ERC2: variants seen among roughly 807,000 people sequenced by gnomAD.
ERC2 encodes ERC protein 2.
A neutral mutation model predicts 114.8 loss-of-function variants in ERC2; 42 were observed. The observed-to-expected ratio is 0.37, with a 90% confidence interval of 0.29 to 0.47. The LOEUF (loss-of-function observed/expected upper bound fraction) is 0.47, where lower values mean the gene tolerates loss of function less well. Among genes scored for constraint, ERC2 ranks in the 20% least tolerant of loss-of-function variants. The pLI, the probability that ERC2 is intolerant of heterozygous loss-of-function variation, is 0.99. For synonymous variants in ERC2, 454 were observed against 425.5 expected, an observed-to-expected ratio of 1.07 and a Z score of -0.82; for missense variants, 939 against 1,150.7, an observed-to-expected ratio of 0.82 and a Z score of 2.66.
intron 2 of ERC2, among the ~76,000 whole-genome samples, chr3:56,371,812 A>G (rs2059373069): frequency 6.6e-6 from 1 of 152,252 alleles, no homozygotes; most frequent in Non-Finnish European, 1.5e-5. Flanking sequence ...GGTTACCAGT[A>G]TGACTCCCAT....
intron 17 of ERC2, among the ~76,000 whole-genome samples, chr3:55,613,670 G>A (rs1346529963): frequency 1.3e-5 from 2 of 152,018 alleles, no homozygotes; most frequent in African/African-American, 4.8e-5. Flanking sequence ...AATGGCAAGG[G>A]AACTGACTAA....
chr3:55,749,320 A>T (rs983476948), intron 14 of ERC2, among the ~76,000 whole-genome samples: 5 of 152,182 alleles, frequency 3.3e-5, no homozygotes, highest in Non-Finnish European at 5.9e-5. Context: ...GAGGCTTCCC[A>T]GCTCCACTGA....
chr3:55,839,717 T>A (rs921813165), intron 14 of ERC2, among the ~76,000 whole-genome samples: 1 of 151,642 alleles, frequency 6.6e-6, no homozygotes, highest in East Asian at 1.9e-4. Context: ...ATTGCCAAGA[T>A]AAAGGTGAAT....
At chr3:55,707,812 C>A (rs1010864797) in intron 15 of ERC2, among the ~76,000 whole-genome samples, 3 of 152,012 alleles carry the variant, frequency 2.0e-5, no homozygotes, top group Non-Finnish European at 4.4e-5. Flanking sequence ...GATGCAGAAA[C>A]CCATGAGAAC....
At chr3:56,379,524 G>A (rs1174584466) in intron 2 of ERC2, among the ~76,000 whole-genome samples, 1 of 152,102 alleles carries the variant, frequency 6.6e-6, no homozygotes, top group Non-Finnish European at 1.5e-5. Context: ...TGATGAAACT[G>A]AGGCATAGAA....
At chr3:55,939,249 C>A (rs1018691612) in intron 13 of ERC2, among the ~76,000 whole-genome samples, 1 of 152,172 alleles carries the variant, frequency 6.6e-6, no homozygotes, top group South Asian at 2.1e-4. Context: ...AAAGTATCAC[C>A]GCAGAATTTG....
rs2061946828 is a variant in ERC2, at chr3:56,434,814, C to T, written c.194G>A (p.Ser65Asn). The change falls in exon 2 of 18, where the codon AGT becomes AAT. Residue 65 changes from serine (S) to asparagine (N), a missense_variant. Coordinates refer to ENST00000288221, the MANE Select transcript of ERC2 (RefSeq NM_015576.3). ...AYATSGPMYL[S>N]DHEGVASTTY... ...TGTTGAAGCCACCCCTTCATGATCA[C>T]TCAGATACATGGGTCCAGACGTAGC... 1 of 1,613,952 alleles carries T rather than the reference C, an allele frequency of 6.2e-7. No homozygotes were observed. Among genetic ancestry groups the T allele is most frequent in the Non-Finnish European group, 8.5e-7 (1 of 1,179,894 alleles).
At chr3:55,714,667 G>GTATATATA (rs59969304) in intron 15 of ERC2, among the ~76,000 whole-genome samples, 2 of 88,596 alleles carry the variant, frequency 2.3e-5, no homozygotes, top group East Asian at 3.1e-4. Flanking sequence ...GTGTGTGTGT[G>GTATATATA]TATATATATA....
At chr3:55,523,256 C>T (rs1024905007) in intron 17 of ERC2, among the ~76,000 whole-genome samples, 3 of 152,218 alleles carry the variant, frequency 2.0e-5, no homozygotes, top group African/African-American at 7.2e-5. Flanking sequence ...AGCTTTGCTA[C>T]GGAGAACTTG....
At chr3:55,899,247 G>T (rs559050794) in intron 13 of ERC2, among the ~76,000 whole-genome samples, 24 of 152,056 alleles carry the variant, frequency 1.6e-4, no homozygotes, top group Non-Finnish European at 3.2e-4. Context: ...TATAACTAAT[G>T]AATTACTATT....
intron 17 of ERC2, among the ~76,000 whole-genome samples, chr3:55,675,894 CTTTT>C (rs2061766691): frequency 1.4e-5 from 1 of 70,474 alleles, no homozygotes; most frequent in Non-Finnish European, 2.8e-5. Context: ...CTTTCTTTCT[CTTTT>C]CTTTCTTTTT....
In ERC2 at chr3:55,737,864, A is replaced by G. The variant is rs1010105237; in HGVS notation, c.2565-2946T>C. ...CAGAGGTGGTATTTCTTTTTGGATC[A>G]AAGGGAAGACACGCTTACTGCCCCA... is the stretch of plus-strand genomic sequence containing the variant. On this transcript the variant is annotated intron_variant, in intron 14 of 17. Transcript: ENST00000288221. 2.0e-5 allele frequency among the ~76,000 whole-genome samples: 3 copies of G among 152,158 alleles called. No homozygotes were observed. In the South Asian group the frequency reaches 6.2e-4, roughly 32 times the overall value.
intron 4 of ERC2, among the ~76,000 whole-genome samples, chr3:56,153,360 A>C (rs2149964791): frequency 6.6e-6 from 1 of 152,234 alleles, no homozygotes; most frequent in South Asian, 2.1e-4. Flanking sequence ...CACTTGCAAA[A>C]TCTCAGGCCC....
At chr3:56,112,896 C>T (rs562919836) in intron 6 of ERC2, among the ~76,000 whole-genome samples, 40 of 152,064 alleles carry the variant, frequency 2.6e-4, no homozygotes, top group Admixed American at 5.2e-4. Flanking sequence ...CCGATAAAGG[C>T]CCATCATCAG....
intron 14 of ERC2, among the ~76,000 whole-genome samples, chr3:55,879,044 A>G (rs564083356): frequency 1.1e-4 from 17 of 150,400 alleles, no homozygotes; most frequent in African/African-American, 3.9e-4. Flanking sequence ...GTCCTAAACC[A>G]TGCAGTAACT....
At chr3:56,019,164 A>G (rs2073530377) in intron 7 of ERC2, 133 bp from the exon 8 acceptor site, 2 of 688,462 alleles carry the variant, frequency 2.9e-6, no homozygotes, top group African/African-American at 1.8e-5. Context: ...GCTTTGACTT[A>G]GACAAAAGGC....
intron 14 of ERC2, among the ~76,000 whole-genome samples, chr3:55,781,843 G>A (rs1038520955): frequency 1.3e-4 from 19 of 146,354 alleles, no homozygotes; most frequent in African/African-American, 4.9e-4. Flanking sequence ...CTACACTCCC[G>A]CCGGGGCAAC....
intron 3 of ERC2, among the ~76,000 whole-genome samples, chr3:56,175,242 C>T (rs889071402): frequency 3.9e-5 from 6 of 152,200 alleles, no homozygotes; most frequent in Admixed American, 2.6e-4. Context: ...TCCAACTCAT[C>T]ACTGGCACAA....
At chr3:56,189,429 A>G (rs903866131) in intron 3 of ERC2, among the ~76,000 whole-genome samples, 3 of 152,246 alleles carry the variant, frequency 2.0e-5, no homozygotes, top group Non-Finnish European at 4.4e-5. Context: ...TTCCACGCAC[A>G]GCCTGACAAC....
Sources: allele counts gnomAD v4.1 joint callset (sites outside exome capture counted in the v4.1 genomes callset), GRCh38; gene constraint gnomAD v4.1.1; transcripts MANE v1.5; gene names NCBI Gene and HGNC (gene_info 2026-07-23, HGNC 2026-07-21).